TRAF6: variants seen among roughly 807,000 people sequenced by gnomAD.
TRAF6 encodes TNF receptor-associated factor 6.
Under a neutral mutation model 48.4 loss-of-function variants are expected in TRAF6, and 10 were observed. The observed-to-expected ratio is 0.21, with a 90% CI of 0.13 to 0.35. The LOEUF is 0.35. Ranked by LOEUF, TRAF6 falls within the 10% of genes least tolerant of loss-of-function variation. The pLI is 1.00. For missense variants in TRAF6, 397 were observed against 661.0 expected, an observed-to-expected ratio of 0.60 and a Z score of 4.38; for synonymous variants, 186 against 219.6, an observed-to-expected ratio of 0.85 and a Z score of 1.35.
At chr11:36,498,344 A>C in intron 3 of TRAF6, 146 bp downstream of exon 3, 1 of 613,736 alleles carries the variant, frequency 1.6e-6, no homozygotes. Flanking sequence ...TCAATAATTA[A>C]AGGGTTGGCA....
Position 36,489,989 on chromosome 11 carries a change from T to C in TRAF6, c.1418A>G (p.Tyr473Cys). 6.2e-7 allele frequency: 1 copy of C among 1,614,196 alleles called. No homozygotes were observed. Among genetic ancestry groups the C allele is most frequent in the Non-Finnish European group, 8.5e-7 (1 of 1,180,028 alleles). The change falls in exon 7 of 7, where the codon TAT (tyrosine) becomes TGT (cysteine). Residue 473 changes from tyrosine (Y) to cysteine (C), a missense_variant. Physicochemically the swap from Tyr to Cys is radical, Grantham distance 194. Transcript: ENST00000526995. ...TIPRNPKGFG[Y>C]VTFMHLEALR... ...GGCTTCCAGATGCATAAAAGTTACA[T>C]AGCCAAAACCTTTTGGGTTCCGTGG...
At position 36,510,038 on chromosome 11, in the gene TRAF6, G is replaced by A. The variant is rs963146258; in HGVS notation, c.-23+10C>T. 6.6e-6 allele frequency: 1 copy of A among 152,420 alleles called. No individual in the cohort carries two copies. The highest frequency in any genetic ancestry group is 1.5e-5 in the Non-Finnish European group (1 of 68,252). 9.4% of individuals were successfully genotyped at this position (152,420 alleles called of 1,614,324 possible). A position where few individuals can be genotyped will look rare whatever the true frequency, so the allele number is the denominator to read the frequency against. On this transcript the variant is annotated intron_variant, in intron 1 of 6. Transcript: ENST00000526995. Reference sequence around the variant, plus strand: ...CGGCCGCCAGGAGGAGGCGCCTGAAGGAGACTCACCGTTCTAGTGCGCGGG... The same window carrying A: ...CGGCCGCCAGGAGGAGGCGCCTGAAAGAGACTCACCGTTCTAGTGCGCGGG...
Position 36,490,119 on chromosome 11 carries a change from T to C in TRAF6, c.1288A>G (p.Ile430Val), listed in dbSNP as rs776263136. Reference protein sequence around the residue: ...SHLPWPFQGTIRLTILDQSEA... With the variant: ...SHLPWPFQGTVRLTILDQSEA... ...GACTGATCAAGAATTGTAAGGCGTA[T>C]TGTACCCTGGAAGGGCCAAGGGAGG... Residue 430 changes from isoleucine (I) to valine (V), a missense_variant, in exon 7 of 7, where the codon ATA becomes GTA. Physicochemically the swap from Ile to Val is conservative, Grantham distance 29 (BLOSUM62 3). Transcript: ENST00000526995. The surrounding 1 kb of genome is among the most constrained non-coding windows in gnomAD (Gnocchi z 6.4). The C allele has an allele frequency of 6.2e-7, 1 of 1,614,230 alleles. No homozygotes were observed. Among genetic ancestry groups the C allele is most frequent in the South Asian group, 1.1e-5 (1 of 91,090 alleles).
At chr11:36,491,738 C>T (rs1859566588) in intron 6 of TRAF6, among the ~76,000 whole-genome samples, 1 of 152,160 alleles carries the variant, frequency 6.6e-6, no homozygotes, top group South Asian at 2.1e-4. Context: ...CTTTCCTGTA[C>T]ATACGCCATA....
intron 2 of TRAF6, among the ~76,000 whole-genome samples, chr11:36,500,189 A>G (rs5030449): frequency 2.9e-4 from 44 of 152,342 alleles, no homozygotes; most frequent in Admixed American, 5.2e-4. Flanking sequence ...AGAAAGTGCT[A>G]AGGGAAAAAA....
intron 4 of TRAF6, 30 bp downstream of exon 4, chr11:36,497,070 AGAAGTAGT>A: frequency 6.2e-7 from 1 of 1,602,972 alleles, no homozygotes; most frequent in Non-Finnish European, 8.5e-7. Context: ...CAATATTTTA[AGAAGTAGT>A]GAATTTAACA....
chr11:36,497,430 T>A (rs935101643), intron 3 of TRAF6, among the ~76,000 whole-genome samples, 164 bp from the exon 4 acceptor site: 5 of 152,224 alleles, frequency 3.3e-5, no homozygotes, highest in African/African-American at 9.6e-5. Flanking sequence ...GCGAATTTTT[T>A]AAAATGGTCA....
intron 1 of TRAF6, among the ~76,000 whole-genome samples, chr11:36,509,792 G>A (rs1046925644): frequency 1.3e-5 from 2 of 152,022 alleles, no homozygotes; most frequent in Non-Finnish European, 2.9e-5. Context: ...CGAGGGGCAG[G>A]GAACGGTGTC....
chr11:36,497,010 G>A (rs747148626), intron 4 of TRAF6, 98 bp downstream of exon 4: 33 of 1,253,086 alleles, frequency 2.6e-5, no homozygotes, highest in Middle Eastern at 2.3e-4. Context: ...ACTCAGAGTC[G>A]GAGTCACATC....
At chr11:36,498,347 G>A in intron 3 of TRAF6, 143 bp downstream of exon 3, 1 of 621,260 alleles carries the variant, frequency 1.6e-6, no homozygotes. Context: ...ATAATTAAAG[G>A]GTTGGCATTA....
intron 4 of TRAF6, among the ~76,000 whole-genome samples, chr11:36,495,422 TTTC>T (rs1859617214): frequency 1.3e-5 from 2 of 152,182 alleles, no homozygotes; most frequent in African/African-American, 4.8e-5. Flanking sequence ...TTAATTAAAA[TTTC>T]TTGTCAGTAG....
chr11:36,491,070 T>C (rs1209832086), intron 6 of TRAF6, among the ~76,000 whole-genome samples: 2 of 152,238 alleles, frequency 1.3e-5, no homozygotes, highest in Non-Finnish European at 2.9e-5. Flanking sequence ...TCCTTTAGAA[T>C]ACAATTATTG....
chr11:36,509,308 A>G (rs1034223730), intron 1 of TRAF6, among the ~76,000 whole-genome samples: 2 of 152,216 alleles, frequency 1.3e-5, no homozygotes, highest in Non-Finnish European at 2.9e-5. Context: ...GTCCTAACTC[A>G]GCTGGAGTTC....
chr11:36,497,266 CCT>C lies in TRAF6; in HGVS notation c.448-2_448-1del. On this transcript the variant is annotated splice_acceptor_variant, in intron 3 of 6. Transcript: ENST00000526995. LOFTEE classifies it high-confidence loss of function. ...GCAAACTCACAATGTGCTTGATGAT[CCT>C]ATAATTAAAAAAATAATGGATTAGC... 6.6e-7 allele frequency: 1 copy of C among 1,516,876 alleles called. No individual in the cohort carries two copies. Among genetic ancestry groups the C allele is most frequent in the Non-Finnish European group, 8.8e-7 (1 of 1,133,882 alleles). The allele number at this position is 1,516,876 out of a possible 1,614,324, so 94.0% of individuals were successfully genotyped here. A position where few individuals can be genotyped will look rare whatever the true frequency, so the allele number is the denominator to read the frequency against.
At position 36,501,455 on chromosome 11, in the gene TRAF6, C is replaced by T; in HGVS notation, c.61G>A (p.Val21Met). The T allele has an allele frequency of 6.2e-7, 1 of 1,614,078 alleles. No homozygotes were observed. Among genetic ancestry groups the T allele is most frequent in the Non-Finnish European group, 8.5e-7 (1 of 1,179,972 alleles). Residue 21 changes from valine (V) to methionine (M), a missense_variant, in exon 2 of 7, where the codon GTG (valine) becomes ATG (methionine). By Grantham distance (21) the Val-to-Met change is conservative. Coordinates refer to ENST00000526995, the MANE Select transcript of TRAF6 (RefSeq NM_004620.4). ...GSSQSESDCC[V>M]AMASSCSAVT... ...GCGCTACAGGAGCTGGCCATGGCCA[C>T]ACAGCAGTCACTTTCAGACTGGCTG...
rs1468282029 is a variant in TRAF6 at position 36,488,148 on chromosome 11, C to T, written c.*1690G>A. On this transcript the variant is annotated 3_prime_UTR_variant, in exon 7 of 7. Coordinates refer to ENST00000526995, the MANE Select transcript of TRAF6 (RefSeq NM_004620.4). ...AGGGTGGTATGCAGTGATTCTCAGG[C>T]GCTGGTTGGAAGGCACAGCTGAGGG... 6.6e-6 allele frequency: 1 copy of T among 152,090 alleles called. No homozygotes were observed. The highest frequency in any genetic ancestry group is 1.5e-5 in the Non-Finnish European group (1 of 68,050). The allele number at this position is 152,090 out of a possible 1,614,324, so 9.4% of individuals were successfully genotyped here.
rs932935798 is a variant in TRAF6 at position 36,486,380 on chromosome 11, A to T, written c.*3458T>A. 6.6e-6 allele frequency among the ~76,000 whole-genome samples: 1 copy of T among 152,148 alleles called. No homozygotes were observed. The highest frequency in any genetic ancestry group is 2.4e-5 in the African/African-American group (1 of 41,388). On this transcript the variant is annotated 3_prime_UTR_variant, in exon 7 of 7. Coordinates refer to ENST00000526995, the MANE Select transcript of TRAF6 (RefSeq NM_004620.4). Reference sequence around the variant, plus strand: ...AAAATAATGAGTAGAACTTGAGGCAAGCCAAGAGAACAGTGTTAGTACATA... The same window carrying T: ...AAAATAATGAGTAGAACTTGAGGCATGCCAAGAGAACAGTGTTAGTACATA...
Position 36,487,344 on chromosome 11 carries a change from T to C in TRAF6, c.*2494A>G, listed in dbSNP as rs1247725421. On this transcript the variant is annotated 3_prime_UTR_variant, in exon 7 of 7. Coordinates refer to ENST00000526995, the MANE Select transcript of TRAF6 (RefSeq NM_004620.4). ...TTTCCAGGTTAAGGCTTAATTCTGA[T>C]TGAAGTAAAAAGTTTTCTATTTGGA... 2 of 152,196 alleles carry C rather than the reference T, an allele frequency of 1.3e-5. No homozygotes were observed. Among genetic ancestry groups the C allele is most frequent in the Non-Finnish European group, 2.9e-5 (2 of 68,030 alleles). The allele number at this position is 152,196 out of a possible 1,614,324, so 9.4% of individuals were successfully genotyped here. A position where few individuals can be genotyped will look rare whatever the true frequency, so the allele number is the denominator to read the frequency against.
At chr11:36,504,861 T>G (rs1003203081) in intron 1 of TRAF6, among the ~76,000 whole-genome samples, 3 of 152,176 alleles carry the variant, frequency 2.0e-5, no homozygotes, top group African/African-American at 7.2e-5. Context: ...AAAACAACAT[T>G]AATCTTCTTG....
Sources: allele counts gnomAD v4.1 joint callset (sites outside exome capture counted in the v4.1 genomes callset), GRCh38; gene constraint gnomAD v4.1.1; non-coding constraint Gnocchi (gnomAD v3.1); transcripts MANE v1.5; gene names NCBI Gene and HGNC (gene_info 2026-07-23, HGNC 2026-07-21).